Variants in KAZALD1 observed in about 807,000 individuals in gnomAD.
KAZALD1 encodes the protein Kazal type serine peptidase inhibitor domain 1, also known as kazal-type serine protease inhibitor domain-containing protein 1.
KAZALD1 carries 31 observed loss-of-function variants against 27.7 expected under a neutral mutation model. That is an observed-to-expected ratio of 1.12 (90% CI 0.84 to 1.51). The LOEUF is 1.51. KAZALD1 is among the 40% of genes most tolerant of loss of function. KAZALD1 has a pLI of 0.00. For synonymous variants in KAZALD1, 179 were observed against 182.0 expected (o/e 0.98, Z 0.13); for missense variants, 444 against 408.9 (o/e 1.09, Z -0.74).
rs1412383917 is a variant in KAZALD1 at position 101,062,799 on chromosome 10, G to T, written c.207G>T (p.Ala69=). The T allele has an allele frequency of 1.3e-6, 2 of 1,574,172 alleles. No individual in the cohort carries two copies. Among genetic ancestry groups the T allele is most frequent in the Non-Finnish European group, 8.6e-7 (1 of 1,167,650 alleles). The change falls in exon 2 of 5, where the codon GCG becomes GCT. Residue 69 remains alanine (A), a synonymous_variant. Transcript: ENST00000370200. ...EECAAPRGCL[A]GRVRDACGCC... ...GCGCCGCGCCGCGGGGCTGCCTGGC[G>T]GGCAGGGTGCGCGACGCGTGCGGCT...
downstream of KAZALD1, chr10:101,067,203 G>T: frequency 2.2e-6 from 1 of 450,976 alleles, no homozygotes; most frequent in Non-Finnish European, 4.5e-6. Context: ...TCCCGGTTTC[G>T]CCTGCCCACG....
Position 101,067,044 on chromosome 10 carries a change from G to A in KAZALD1, c.*2124G>A, listed in dbSNP as rs1590102962. On this transcript the variant is annotated 3_prime_UTR_variant, in exon 5 of 5. Transcript: ENST00000370200. ...CAGGGACGGGAAAGGTTTAATAAAC[G>A]TGCTGAGATGCCGAGGATTATTCAC... The A allele has an allele frequency of 8.8e-6, 3 of 339,924 alleles. No individual in the cohort carries two copies. In the East Asian group the frequency reaches 2.5e-4, roughly 28 times the overall value. The allele number at this position is 339,924 out of a possible 1,614,324, so 21.1% of individuals were successfully genotyped here.
intron 1 of KAZALD1, 93 bp from the exon 2 acceptor site, chr10:101,062,449 C>T (rs1939181895): frequency 1.6e-6 from 2 of 1,272,842 alleles, no homozygotes; most frequent in Admixed American, 2.4e-5. Context: ...GGGGGCGATG[C>T]TAGTGTCATG....
chr10:101,066,477 G>T lies in KAZALD1; in HGVS notation c.*1557G>T, dbSNP rs747438361. 2.2e-6 allele frequency: 1 copy of T among 456,516 alleles called. No individual in the cohort carries two copies. The highest frequency in any genetic ancestry group is 1.5e-5 in the South Asian group (1 of 64,536). 28.3% of individuals were successfully genotyped at this position (456,516 alleles called of 1,614,324 possible). A position where few individuals can be genotyped will look rare whatever the true frequency, so the allele number is the denominator to read the frequency against. Reference sequence around the variant, plus strand: ...CTGGAAGCGGGCGGCCCTAGGAGCCGCGCACAACAGCGCAAGCGGGCTGGA... The same window carrying T: ...CTGGAAGCGGGCGGCCCTAGGAGCCTCGCACAACAGCGCAAGCGGGCTGGA... On this transcript the variant is annotated 3_prime_UTR_variant, in exon 5 of 5. Transcript: ENST00000370200.
rs1939329575 is a variant in KAZALD1 at position 101,066,586 on chromosome 10, C to T, written c.*1666C>T. 2.3e-6 allele frequency: 1 copy of T among 431,016 alleles called. No individual in the cohort carries two copies. Among genetic ancestry groups the T allele is most frequent in the Non-Finnish European group, 4.8e-6 (1 of 209,188 alleles). 26.7% of individuals were successfully genotyped at this position (431,016 alleles called of 1,614,324 possible). ...GGGGCGTGCTGTTCGGCGCTGTGGCCAAAATCCGCCCGGCGCTGAAAGAGG... is the reference window on the plus strand; with the variant it reads ...GGGGCGTGCTGTTCGGCGCTGTGGCTAAAATCCGCCCGGCGCTGAAAGAGG... On this transcript the variant is annotated 3_prime_UTR_variant, in exon 5 of 5. Coordinates refer to ENST00000370200, the MANE Select transcript of KAZALD1 (RefSeq NM_030929.5).
intron 1 of KAZALD1, 40 bp from the exon 2 acceptor site, chr10:101,062,502 C>A: frequency 6.6e-7 from 1 of 1,509,372 alleles, no homozygotes. Context: ...CGGCACAGGC[C>A]CTGTTTCTGA....
At chr10:101,063,427 A>AC (rs750033897) in intron 2 of KAZALD1, among the ~76,000 whole-genome samples, 30 of 151,250 alleles carry the variant, frequency 2.0e-4, no homozygotes, top group Non-Finnish European at 2.5e-4. Context: ...TTGCTCAGAG[A>AC]CCCCCCCGAC....
In KAZALD1 at chr10:101,064,903, AATGACG is replaced by A. The variant is rs760144303; in HGVS notation, c.901_906del (p.Asp301_Asp302del). 1 of 1,613,422 alleles carries A rather than the reference AATGACG, an allele frequency of 6.2e-7. No individual in the cohort carries two copies. Among genetic ancestry groups the A allele is most frequent in the Non-Finnish European group, 8.5e-7 (1 of 1,179,432 alleles). On this transcript the variant is annotated inframe_deletion, in exon 5 of 5. Transcript: ENST00000370200. ...TGAGGAGGAGGCTGAGAGTGAAGAGAATGACGATTACTACTAGGTCCAGAGCTCTGG... is the reference window on the plus strand; with the variant it reads ...TGAGGAGGAGGCTGAGAGTGAAGAGAATTACTACTAGGTCCAGAGCTCTGG...
At position 101,062,841 on chromosome 10, in the gene KAZALD1, C is replaced by A; in HGVS notation, c.249C>A (p.Ala83=). 1 of 1,593,200 alleles carries A rather than the reference C, an allele frequency of 6.3e-7. No homozygotes were observed. The highest frequency in any genetic ancestry group is 8.5e-7 in the Non-Finnish European group (1 of 1,175,406). Residue 83 remains alanine, a synonymous_variant, in exon 2 of 5, where the codon GCC becomes GCA. Transcript: ENST00000370200. The part of the protein sequence containing the change: ...RDACGCCWEC[A]NLEGQLCDLD... Reference sequence around the variant, plus strand: ...CGTGCGGCTGCTGCTGGGAATGCGCCAACCTCGAGGGCCAGCTCTGCGACC... The same window carrying A: ...CGTGCGGCTGCTGCTGGGAATGCGCAAACCTCGAGGGCCAGCTCTGCGACC...
intron 2 of KAZALD1, among the ~76,000 whole-genome samples, 181 bp downstream of exon 2, chr10:101,063,284 GGGT>G (rs1192836406): frequency 6.6e-6 from 1 of 152,172 alleles, no homozygotes; most frequent in Non-Finnish European, 1.5e-5. Flanking sequence ...CTTAAGGTGG[GGGT>G]GGGGGGTGGA....
intron 2 of KAZALD1, among the ~76,000 whole-genome samples, 179 bp downstream of exon 2, chr10:101,063,282 G>A (rs1939219689): frequency 6.6e-6 from 1 of 152,138 alleles, no homozygotes; most frequent in African/African-American, 2.4e-5. Context: ...ACCTTAAGGT[G>A]GGGGTGGGGG....
intron 2 of KAZALD1, 85 bp downstream of exon 2, chr10:101,063,188 C>A: frequency 6.6e-6 from 8 of 1,211,832 alleles, no homozygotes; most frequent in African/African-American, 1.5e-5. Flanking sequence ...TGGTCTCTGG[C>A]CAGCAGAGCA....
chr10:101,064,476 C>T lies in KAZALD1; in HGVS notation c.673-25C>T, dbSNP rs370978581. 1.9e-6 allele frequency: 3 copies of T among 1,614,186 alleles called. No homozygotes were observed. In the African/African-American group the frequency reaches 4.0e-5, roughly 22 times the overall value. On this transcript the variant is annotated intron_variant, in intron 3 of 4. Coordinates refer to ENST00000370200, the MANE Select transcript of KAZALD1 (RefSeq NM_030929.5). ...CAGCCCAGGGCCCTCCAGAAGGACCCTGCTGATTCCTTGCCTGGCTCCAGT... is the reference window on the plus strand; with the variant it reads ...CAGCCCAGGGCCCTCCAGAAGGACCTTGCTGATTCCTTGCCTGGCTCCAGT...
chr10:101,062,620 G>C lies in KAZALD1; in HGVS notation c.28G>C (p.Ala10Pro). Residue 10 changes from alanine (A) to proline (P), a missense_variant, in exon 2 of 5, where the codon GCC (alanine) becomes CCC (proline). Ala to Pro is a conservative substitution (Grantham distance 27). Coordinates refer to ENST00000370200, the MANE Select transcript of KAZALD1 (RefSeq NM_030929.5). MLPPPRPAA[A>P]LALPVLLLLL... is the part of the protein sequence containing the mutation. ...GCTGCCGCCGCCGCGGCCCGCAGCT[G>C]CCTTGGCGCTGCCTGTGCTCCTGCT... 1.9e-6 allele frequency: 3 copies of C among 1,581,614 alleles called. No homozygotes were observed. The highest frequency in any genetic ancestry group is 2.6e-6 in the Non-Finnish European group (3 of 1,172,768).
chr10:101,062,444 C>A, intron 1 of KAZALD1, 98 bp from the exon 2 acceptor site: 2 of 1,207,310 alleles, frequency 1.7e-6, no homozygotes, highest in South Asian at 1.5e-5. Context: ...GGGGAGGGGG[C>A]GATGCTAGTG....
chr10:101,064,251 T>G lies in KAZALD1; in HGVS notation c.512-10T>G, dbSNP rs1939251768. On this transcript the variant is annotated splice_polypyrimidine_tract_variant and intron_variant, in intron 2 of 4. Coordinates refer to ENST00000370200, the MANE Select transcript of KAZALD1 (RefSeq NM_030929.5). ...CATGCTATTCTCAGACCTCCCGCCT[T>G]CACCCCCAGGGCCCCAGATCGTGTC... 2.5e-6 allele frequency: 4 copies of G among 1,613,902 alleles called. No individual in the cohort carries two copies. The highest frequency in any genetic ancestry group is 3.4e-6 in the Non-Finnish European group (4 of 1,179,930).
At chr10:101,063,811 G>T (rs913617884) in intron 2 of KAZALD1, among the ~76,000 whole-genome samples, 1 of 152,238 alleles carries the variant, frequency 6.6e-6, no homozygotes, top group Non-Finnish European at 1.5e-5. Context: ...CTCCCCCAGG[G>T]GGTACTGAGG....
chr10:101,067,260 C>G (rs759507334), downstream of KAZALD1: 1 of 456,668 alleles, frequency 2.2e-6, no homozygotes, highest in South Asian at 1.5e-5. Flanking sequence ...TGCTCACACC[C>G]GAGATGTGAG....
Position 101,064,809 on chromosome 10 carries a change from C to T in KAZALD1, c.821-17C>T. The T allele has an allele frequency of 6.2e-7, 1 of 1,612,602 alleles. No homozygotes were observed. On this transcript the variant is annotated splice_polypyrimidine_tract_variant and intron_variant, in intron 4 of 4. Transcript: ENST00000370200. The stretch of plus-strand genomic sequence containing the variant: ...CCTCTCTCCTGTTCTCTCTTCTTTG[C>T]CCATGTGTGTTTGCAGACCAGCTGA...
Sources: gnomAD v4.1 joint callset for allele counts (sites outside exome capture counted in the v4.1 genomes callset) on GRCh38, gnomAD v4.1.1 for gene constraint, MANE v1.5 for transcripts, NCBI Gene and HGNC (gene_info 2026-07-23, HGNC 2026-07-21) for gene names.